Variants in PLXNA1 observed in about 807,000 individuals in gnomAD.
The protein encoded by PLXNA1 is plexin A1, also known as plexin-A1.
Under a neutral mutation model 191.7 loss-of-function variants are expected in PLXNA1, and 77 were observed. That is an observed-to-expected ratio of 0.40 (90% CI 0.33 to 0.49). The LOEUF (loss-of-function observed/expected upper bound fraction) is 0.49, where lower values mean the gene tolerates loss of function less well. PLXNA1 is among the 20% of genes least tolerant of loss of function. PLXNA1 has a pLI of 0.63. For missense variants in PLXNA1, 2,110 were observed against 2,660.2 expected (o/e 0.79, Z 4.55); for synonymous variants, 1,137 against 1,156.4 (o/e 0.98, Z 0.34).
At chr3:127,023,038 G>A (rs2079159827) in intron 23 of PLXNA1, among the ~76,000 whole-genome samples, 1 of 152,202 alleles carries the variant, frequency 6.6e-6, no homozygotes, top group Non-Finnish European at 1.5e-5. Flanking sequence ...CCCTCACACA[G>A]CCCACCAAGG....
intron 10 of PLXNA1, 74 bp downstream of exon 10, chr3:127,012,232 G>A (rs982486741): frequency 1.4e-5 from 20 of 1,477,740 alleles, no homozygotes; most frequent in Non-Finnish European, 1.8e-5. Flanking sequence ...CTGGGTCCTG[G>A]CGTGTGCTTG....
chr3:127,026,542 C>G (rs2079177020), intron 23 of PLXNA1: 1 of 152,248 alleles, frequency 6.6e-6, no homozygotes, highest in African/African-American at 2.4e-5. Context: ...TAATGGCTCT[C>G]CATCCGGATC....
At chr3:127,009,722 GC>G (rs2079086702) in intron 9 of PLXNA1, among the ~76,000 whole-genome samples, 1 of 152,178 alleles carries the variant, frequency 6.6e-6, no homozygotes, top group Non-Finnish European at 1.5e-5. Flanking sequence ...GGTCTCTGTG[GC>G]CCCTTCTTGT....
chr3:127,033,458 CACAGGAGGCAG>C (rs927084511), intron 31 of PLXNA1, among the ~76,000 whole-genome samples: 9 of 152,244 alleles, frequency 5.9e-5, no homozygotes, highest in Middle Eastern at 3.4e-3. Context: ...CCCAGGGTGC[CACAGGAGGCAG>C]ACAGGAGGCA....
rs1198641116 is a variant in PLXNA1, at chr3:127,018,359, G to T, written c.3726G>T (p.Thr1242=). The part of the protein sequence containing the change: ...TLQVYSDSLL[T]LPAIVGIGGG... ...AGGTGTACTCGGACAGCCTGCTGACGCTGCCTGCCATTGTGGGCATTGGCG... is the reference window on the plus strand; with the variant it reads ...AGGTGTACTCGGACAGCCTGCTGACTCTGCCTGCCATTGTGGGCATTGGCG... Residue 1242 remains threonine, a synonymous_variant, in exon 20 of 32, where the codon ACG becomes ACT. Transcript: ENST00000393409. 1 of 1,612,976 alleles carries T rather than the reference G, an allele frequency of 6.2e-7. No homozygotes were observed.
At chr3:127,003,983 C>T (rs1457627377) in intron 4 of PLXNA1, among the ~76,000 whole-genome samples, 1 of 152,254 alleles carries the variant, frequency 6.6e-6, no homozygotes, top group Non-Finnish European at 1.5e-5. Flanking sequence ...GGAGTCCACC[C>T]CTGCCCTATG....
chr3:126,984,631 A>G (rs9864643), intron 1 of PLXNA1, among the ~76,000 whole-genome samples: 16,207 of 150,550 alleles, frequency 0.11, 961 homozygotes, highest in South Asian at 0.22. Flanking sequence ...GGGGGGTGCC[A>G]GTGGGGCCCA....
intron 9 of PLXNA1, among the ~76,000 whole-genome samples, chr3:127,010,556 G>A (rs1240067806): frequency 1.3e-5 from 2 of 152,210 alleles, no homozygotes; most frequent in Admixed American, 6.5e-5. Context: ...GCAGAGGGCA[G>A]GGGTGGCGAG....
At chr3:126,988,446 C>CTCA in intron 1 of PLXNA1, 75 bp from the exon 2 acceptor site, 1 of 781,286 alleles carries the variant, frequency 1.3e-6, no homozygotes, top group South Asian at 2.1e-5. Flanking sequence ...ACTGGAAGGG[C>CTCA]TCACACTGGG....
intron 23 of PLXNA1, 40 bp from the exon 24 acceptor site, chr3:127,027,900 C>A: frequency 6.2e-7 from 1 of 1,610,748 alleles, no homozygotes; most frequent in Non-Finnish European, 8.5e-7. Context: ...GGGGTAGGCC[C>A]GGGGGTCCTG....
intron 10 of PLXNA1, among the ~76,000 whole-genome samples, chr3:127,013,417 G>A (rs533374954): frequency 6.6e-5 from 10 of 152,328 alleles, no homozygotes; most frequent in East Asian, 5.8e-4. Context: ...TCCCTGCACC[G>A]TCCCAGCACG....
chr3:126,988,987 A>G lies in PLXNA1; in HGVS notation c.394A>G (p.Ser132Gly). The G allele has an allele frequency of 1.2e-6, 2 of 1,613,190 alleles. No homozygotes were observed. Among genetic ancestry groups the G allele is most frequent in the Admixed American group, 1.7e-5 (1 of 60,032 alleles). The change falls in exon 2 of 32, where the codon AGC (serine) becomes GGC (glycine). Residue 132 changes from serine to glycine, a missense_variant. By Grantham distance (56) the Ser-to-Gly change is moderately conservative. Coordinates refer to ENST00000393409, the MANE Select transcript of PLXNA1 (RefSeq NM_032242.4). ...YAANRLLACG[S>G]ASQGICQFLR... Reference sequence around the variant, plus strand: ...CGCTAACCGCCTGCTGGCCTGTGGCAGCGCCTCCCAGGGCATCTGCCAGTT... The same window carrying G: ...CGCTAACCGCCTGCTGGCCTGTGGCGGCGCCTCCCAGGGCATCTGCCAGTT...
chr3:127,012,239 C>T (rs2079099707), intron 10 of PLXNA1, 81 bp downstream of exon 10: 1 of 1,442,310 alleles, frequency 6.9e-7, no homozygotes. Context: ...CTGGCGTGTG[C>T]TTGTTCATAA....
chr3:126,985,683 T>G (rs2078955244), intron 1 of PLXNA1, among the ~76,000 whole-genome samples: 1 of 152,164 alleles, frequency 6.6e-6, no homozygotes, highest in African/African-American at 2.4e-5. Flanking sequence ...AGCTTTGGAA[T>G]GAATGCATTT....
Position 127,003,378 on chromosome 3 carries a change from G to A in PLXNA1, c.1426G>A (p.Glu476Lys), listed in dbSNP as rs1464998521. 4 of 1,611,694 alleles carry A rather than the reference G, an allele frequency of 2.5e-6. No homozygotes were observed. Among genetic ancestry groups the A allele is most frequent in the South Asian group, 2.2e-5 (2 of 90,960 alleles). The change falls in exon 4 of 32, where the codon GAG (glutamate) becomes AAG (lysine). Residue 476 changes from glutamate to lysine, a missense_variant. By Grantham distance (56) the Glu-to-Lys change is moderately conservative. Transcript: ENST00000393409. Reference protein sequence around the residue: ...NPGGRPALAYESVVAQEGSPI... With the variant: ...NPGGRPALAYKSVVAQEGSPI... ...CGGTGGCCGGCCTGCCCTGGCCTAC[G>A]AGAGCGTCGTGGCCCAGGAGGGCAG...
At chr3:126,989,915 A>C in intron 2 of PLXNA1, 128 bp downstream of exon 2, 4 of 798,300 alleles carry the variant, frequency 5.0e-6, no homozygotes, top group African/African-American at 1.7e-5. Context: ...GGCCATCCCC[A>C]TGGCTCAGCT....
chr3:127,005,629 G>A (rs1265771934), intron 7 of PLXNA1, among the ~76,000 whole-genome samples: 1 of 152,154 alleles, frequency 6.6e-6, no homozygotes, highest in Non-Finnish European at 1.5e-5. Flanking sequence ...GGGTGGAAGA[G>A]CAGGGCAGGG....
intron 4 of PLXNA1, 85 bp from the exon 5 acceptor site, chr3:127,004,523 AAGG>A: frequency 1.1e-6 from 1 of 925,168 alleles, no homozygotes; most frequent in Non-Finnish European, 1.7e-6. Flanking sequence ...CCCCGGGCCT[AAGG>A]AGAGCAGAGT....
At chr3:126,988,437 C>T (rs2078971745) in intron 1 of PLXNA1, among the ~76,000 whole-genome samples, 84 bp from the exon 2 acceptor site, 2 of 152,228 alleles carry the variant, frequency 1.3e-5, no homozygotes, top group African/African-American at 4.8e-5. Flanking sequence ...ACGCCCAGCA[C>T]TGGAAGGGCT....
Sources: allele counts gnomAD v4.1 joint callset (sites outside exome capture counted in the v4.1 genomes callset), GRCh38; gene constraint gnomAD v4.1.1; transcripts MANE v1.5; gene names NCBI Gene and HGNC (gene_info 2026-07-23, HGNC 2026-07-21).